The following ABCB4 variants were observed in gnomAD, a reference collection of about 807,000 sequenced individuals.
ABCB4 encodes ATP binding cassette subfamily B member 4.
ABCB4 carries 76 observed loss-of-function variants against 145.7 expected under a neutral mutation model. That is an observed-to-expected ratio of 0.52 (90% CI 0.43 to 0.63). ABCB4 has a LOEUF of 0.63. ABCB4 is among the 30% of genes least tolerant of loss of function. The pLI is 0.00. For missense variants in ABCB4, 1,234 were observed against 1,553.1 expected (o/e 0.79, Z 3.45); for synonymous variants, 517 against 566.8 (o/e 0.91, Z 1.25).
At chr7:87,397,575 G>A (rs1271929620), downstream of ABCB4, among the ~76,000 whole-genome samples, 1 of 152,160 alleles carries the variant, frequency 6.6e-6, no homozygotes, top group Non-Finnish European at 1.5e-5. Flanking sequence ...ATGTTTAGAT[G>A]CTGCTAAATA....
chr7:87,461,335 A>G (rs2116887453), intron 4 of ABCB4, among the ~76,000 whole-genome samples: 1 of 152,326 alleles, frequency 6.6e-6, no homozygotes, highest in South Asian at 2.1e-4. Flanking sequence ...CAAATAAGCA[A>G]TCCATTTAAA....
At chr7:87,425,601 A>G (rs1285950669) in intron 16 of ABCB4, among the ~76,000 whole-genome samples, 1 of 152,226 alleles carries the variant, frequency 6.6e-6, no homozygotes, top group Admixed American at 6.5e-5. Flanking sequence ...ACATCAAAAT[A>G]TATCAAAACT....
chr7:87,423,895 T>C lies in ABCB4; in HGVS notation c.2211+11A>G, dbSNP rs1209568120. 2 of 1,613,898 alleles carry C rather than the reference T, an allele frequency of 1.2e-6. No individual in the cohort carries two copies. Among genetic ancestry groups the C allele is most frequent in the African/African-American group, 2.7e-5 (2 of 74,910 alleles). On this transcript the variant is annotated intron_variant, in intron 17 of 27. Transcript: ENST00000649586. ...CTAATTCAGGCTGTTATGTGGTGTT[T>C]GCAAACTTACCGCTATGATCTCTGA...
intron 14 of ABCB4, among the ~76,000 whole-genome samples, chr7:87,438,087 A>G (rs1465407562): frequency 6.6e-6 from 1 of 152,172 alleles, no homozygotes; most frequent in African/African-American, 2.4e-5. Context: ...ACTATATTGT[A>G]TATTGAATAT....
chr7:87,460,874 T>C (rs1812413224), intron 4 of ABCB4, among the ~76,000 whole-genome samples: 1 of 152,160 alleles, frequency 6.6e-6, no homozygotes, highest in Non-Finnish European at 1.5e-5. Flanking sequence ...TCCTGCTCTA[T>C]ATGTATACAA....
chr7:87,419,533 CAAAT>C (rs1285072880), intron 19 of ABCB4, among the ~76,000 whole-genome samples: 1 of 152,076 alleles, frequency 6.6e-6, no homozygotes, highest in Non-Finnish European at 1.5e-5. Context: ...AAATAGACCT[CAAAT>C]AAGAAATAAA....
the ABCB4 span, chr7:87,392,807 C>G: frequency 9.9e-6 from 16 of 1,613,282 alleles, no homozygotes; most frequent in East Asian, 8.9e-5. Flanking sequence ...CTTTACGGAC[C>G]CACTTTTTTC....
At chr7:87,411,405 G>A (rs1248973905) in intron 23 of ABCB4, among the ~76,000 whole-genome samples, 3 of 152,168 alleles carry the variant, frequency 2.0e-5, no homozygotes, top group Admixed American at 6.5e-5. Context: ...CAAGGAAAAA[G>A]GAGAGGCTGA....
intron 3 of ABCB4, among the ~76,000 whole-genome samples, chr7:87,465,371 G>A (rs972200543): frequency 3.9e-5 from 6 of 152,082 alleles, no homozygotes; most frequent in East Asian, 3.9e-4. Context: ...TAAACAAAGC[G>A]GCCAGGAAGC....
At chr7:87,455,552 T>C (rs1317924085) in intron 4 of ABCB4, among the ~76,000 whole-genome samples, 1 of 152,204 alleles carries the variant, frequency 6.6e-6, no homozygotes, top group Admixed American at 6.5e-5. Context: ...GCCCAGGCAA[T>C]TTGGCCTATG....
intron 4 of ABCB4, among the ~76,000 whole-genome samples, chr7:87,458,466 GGT>G (rs1359017175): frequency 6.6e-6 from 1 of 152,012 alleles, no homozygotes; most frequent in Non-Finnish European, 1.5e-5. Context: ...TATTAAGTCT[GGT>G]TGTCCAAGCA....
chr7:87,405,506 A>G (rs1808120926), intron 26 of ABCB4, among the ~76,000 whole-genome samples: 1 of 141,976 alleles, frequency 7.0e-6, no homozygotes. Flanking sequence ...GGATCACTTT[A>G]ACCTCCGTTT....
chr7:87,457,235 G>A (rs1326765756), intron 4 of ABCB4, among the ~76,000 whole-genome samples: 2 of 152,060 alleles, frequency 1.3e-5, no homozygotes, highest in East Asian at 1.9e-4. Context: ...CCTGGGCAAC[G>A]TGGTGAAATC....
At chr7:87,454,451 G>C in intron 5 of ABCB4, 84 bp downstream of exon 5, 1 of 1,121,342 alleles carries the variant, frequency 8.9e-7, no homozygotes, top group Non-Finnish European at 1.3e-6. Context: ...AAGAGTACAC[G>C]TTATTTGTAT....
At chr7:87,418,261 G>A (rs1809137068) in intron 20 of ABCB4, among the ~76,000 whole-genome samples, 1 of 152,208 alleles carries the variant, frequency 6.6e-6, no homozygotes, top group Non-Finnish European at 1.5e-5. Flanking sequence ...GAAGCCTGTA[G>A]TTCTAATTAC....
rs535382634 is a variant in ABCB4 at position 87,429,230 on chromosome 7, G to A, written c.1893+2174C>T. 2.6e-5 allele frequency among the ~76,000 whole-genome samples: 4 copies of A among 152,354 alleles called. No individual in the cohort carries two copies. The East Asian group carries it at 7.7e-4, about 29-fold the overall frequency. On this transcript the variant is annotated intron_variant, in intron 15 of 27. Coordinates refer to ENST00000649586, the MANE Select transcript of ABCB4 (RefSeq NM_000443.4). The stretch of plus-strand genomic sequence containing the variant: ...GAAATGGGAAATGTGGGGGTACCCA[G>A]GTGGAACTATTCAAAGGGGCTGAGA...
the ABCB4 span, among the ~76,000 whole-genome samples, chr7:87,380,637 A>G: frequency 6.6e-6 from 1 of 152,194 alleles, no homozygotes; most frequent in African/African-American, 2.4e-5. Context: ...CAAATAAAGC[A>G]TCAGGATAGC....
chr7:87,391,714 T>G, the ABCB4 span: 2 of 1,603,526 alleles, frequency 1.2e-6, no homozygotes, highest in Non-Finnish European at 1.7e-6. Flanking sequence ...TCTGTCAATG[T>G]GAGTATTGGA....
chr7:87,392,698 T>C, the ABCB4 span: 1 of 1,611,156 alleles, frequency 6.2e-7, no homozygotes, highest in Non-Finnish European at 8.5e-7. Flanking sequence ...GAAAAATTTT[T>C]TTCTAACCTG....
Sources: allele counts gnomAD v4.1 joint callset (sites outside exome capture counted in the v4.1 genomes callset), GRCh38; gene constraint gnomAD v4.1.1; transcripts MANE v1.5; gene names NCBI Gene and HGNC (gene_info 2026-07-23, HGNC 2026-07-21).